SATB1: variants seen among roughly 807,000 people sequenced by gnomAD.
The protein encoded by SATB1 is SATB homeobox 1, also known as DNA-binding protein SATB1.
In SATB1, 11 loss-of-function variants were observed where a neutral mutation model predicts 86.9. The ratio of observed to expected loss-of-function variants is 0.13; its 90% CI spans 0.08 to 0.21. SATB1 has a LOEUF of 0.21. SATB1 is among the 10% of genes least tolerant of loss of function. SATB1 has a pLI of 1.00. For missense variants in SATB1, 551 were observed against 937.6 expected (o/e 0.59, Z 5.39); for synonymous variants, 357 against 357.2 (o/e 1.00, Z 0.01).
intron 10 of SATB1, 196 bp downstream of exon 10, chr3:18,351,796 G>A: frequency 1.7e-6 from 1 of 590,942 alleles, no homozygotes. Context: ...GATGAGGAAA[G>A]AGGAACACGA....
chr3:18,429,252 C>T (rs1386100047), upstream of SATB1, among the ~76,000 whole-genome samples: 3 of 152,094 alleles, frequency 2.0e-5, no homozygotes, highest in East Asian at 1.9e-4. The surrounding 1 kb of genome is among the most constrained non-coding windows in gnomAD (Gnocchi z 4.1). Context: ...ATGTCAGGAC[C>T]GATTTCTGCA....
chr3:18,441,976 T>C (rs1431840434), upstream of SATB1, among the ~76,000 whole-genome samples: 3 of 152,162 alleles, frequency 2.0e-5, no homozygotes, highest in East Asian at 1.9e-4. Flanking sequence ...AGAACTACTT[T>C]TGTAGATTAT....
At chr3:18,358,381 C>T (rs1162323265) in intron 9 of SATB1, among the ~76,000 whole-genome samples, 1 of 151,966 alleles carries the variant, frequency 6.6e-6, no homozygotes, top group African/African-American at 2.4e-5. Flanking sequence ...AGGCCCCCAC[C>T]ATTAACATTA....
intron 5 of SATB1, among the ~76,000 whole-genome samples, chr3:18,406,167 T>C (rs1260934731): frequency 1.3e-5 from 2 of 151,998 alleles, no homozygotes; most frequent in Non-Finnish European, 2.9e-5. Flanking sequence ...TGAACAGTTA[T>C]CTACCCTTGC....
chr3:18,394,440 C>T lies in SATB1; in HGVS notation c.1206+22G>A. ...AGAGAAAATAGGAGACAGCACAGAA[C>T]CACTTATGAAACACAACTGACCTGA... On this transcript the variant is annotated intron_variant, in intron 7 of 10. Coordinates refer to ENST00000338745, the MANE Select transcript of SATB1 (RefSeq NM_002971.6). The surrounding 1 kb of genome is among the most constrained non-coding windows in gnomAD (Gnocchi z 5.9). 1.2e-6 allele frequency: 2 copies of T among 1,604,388 alleles called. No individual in the cohort carries two copies. The highest frequency in any genetic ancestry group is 1.7e-4 in the Middle Eastern group (1 of 5,882).
intron 7 of SATB1, among the ~76,000 whole-genome samples, chr3:18,389,462 G>A (rs114813565): frequency 0.012 from 1,777 of 152,080 alleles, 32 homozygotes; most frequent in African/African-American, 0.041. Context: ...TGTTCAGGTT[G>A]TTGTTACTTG....
intron 9 of SATB1, among the ~76,000 whole-genome samples, chr3:18,354,135 C>T (rs551074201): frequency 2.6e-5 from 4 of 152,150 alleles, no homozygotes; most frequent in East Asian, 1.9e-4. Flanking sequence ...GTTATGTGAA[C>T]ATCTGAAGTA....
At chr3:18,437,160 G>C (rs1486132532) in intron 1 of SATB1, among the ~76,000 whole-genome samples, 2 of 152,096 alleles carry the variant, frequency 1.3e-5, no homozygotes, top group African/African-American at 4.8e-5. Context: ...ACAAAAAGAA[G>C]TATTAAGAGG....
At chr3:18,409,724 T>G (rs1258801657) in intron 5 of SATB1, 1 of 152,028 alleles carries the variant, frequency 6.6e-6, no homozygotes, top group Non-Finnish European at 1.5e-5. Context: ...GAAAGAAGAT[T>G]CTCTGTAGAG....
intron 8 of SATB1, among the ~76,000 whole-genome samples, chr3:18,379,685 TA>T (rs1695945376): frequency 6.6e-6 from 1 of 152,220 alleles, no homozygotes; most frequent in Admixed American, 6.5e-5. Context: ...TGCTGAATCC[TA>T]ATTTCTAGCC....
chr3:18,352,078 C>T lies in SATB1; in HGVS notation c.1693G>A (p.Ala565Thr), dbSNP rs1559388552. Residue 565 changes from alanine to threonine, a missense_variant, in exon 10 of 11, where the codon GCC becomes ACC. Transcript: ENST00000338745. This position sits in a 1 kb window ranked among gnomAD's most constrained non-coding sequence, Gnocchi z 4.1. ...GCGTTGCTCTCCTGTTCATAAATGG[C>T]ATCACGTTCTGGCTGAGGAAGACTG... is the stretch of plus-strand genomic sequence containing the variant. ...FLSLPQPERDAIYEQESNAVH... is the reference protein window; with the variant it reads ...FLSLPQPERDTIYEQESNAVH... 1.2e-6 allele frequency: 2 copies of T among 1,614,210 alleles called. No homozygotes were observed. Among genetic ancestry groups the T allele is most frequent in the Non-Finnish European group, 1.7e-6 (2 of 1,180,046 alleles).
chr3:18,394,392 T>C lies in SATB1; in HGVS notation c.1206+70A>G. On this transcript the variant is annotated intron_variant, in intron 7 of 10. Transcript: ENST00000338745. The surrounding 1 kb of genome is among the most constrained non-coding windows in gnomAD (Gnocchi z 5.9). ...AGTACAGAAGTAAAAGAATAAACTTTAGTTATAGATGGGACTAAAGAAAGA... is the reference window on the plus strand; with the variant it reads ...AGTACAGAAGTAAAAGAATAAACTTCAGTTATAGATGGGACTAAAGAAAGA... 7.9e-7 allele frequency: 1 copy of C among 1,262,098 alleles called. No homozygotes were observed. The highest frequency in any genetic ancestry group is 1.3e-5 in the South Asian group (1 of 79,116). 78.2% of individuals were successfully genotyped at this position (1,262,098 alleles called of 1,614,324 possible).
rs530529863 is a variant in SATB1 at position 18,363,024 on chromosome 3, T to C, written c.1576-10829A>G. 6.6e-5 allele frequency among the ~76,000 whole-genome samples: 10 copies of C among 152,244 alleles called. No individual in the cohort carries two copies. The South Asian group carries it at 8.3e-4, about 13-fold the overall frequency. On this transcript the variant is annotated intron_variant, in intron 9 of 10. Coordinates refer to ENST00000338745, the MANE Select transcript of SATB1 (RefSeq NM_002971.6). ...AATATTTCTGCCACTGCATTTTACA[T>C]TGATTTATGTGAAACTTTTCAACAC... is the stretch of plus-strand genomic sequence containing the variant.
intron 2 of SATB1, 109 bp downstream of exon 2, chr3:18,420,648 T>C (rs1698336039): frequency 2.4e-6 from 2 of 848,224 alleles, no homozygotes; most frequent in South Asian, 3.1e-5. Context: ...ATAAGGAGAA[T>C]AAAGGCAGAG....
intron 9 of SATB1, among the ~76,000 whole-genome samples, chr3:18,375,495 G>A (rs1695698058): frequency 6.6e-6 from 1 of 152,112 alleles, no homozygotes; most frequent in Non-Finnish European, 1.5e-5. Context: ...TTTGTCTTGG[G>A]GGACTGCTGC....
chr3:18,353,250 CCT>C lies in SATB1; in HGVS notation c.1576-1057_1576-1056del, dbSNP rs139160620. ...GACCCAGTGGCACAAAGTCTCTGCCCCTGTTTCTGAAAATGGACAACTTACTC... is the reference window on the plus strand; with the variant it reads ...GACCCAGTGGCACAAAGTCTCTGCCCGTTTCTGAAAATGGACAACTTACTC... On this transcript the variant is annotated intron_variant, in intron 9 of 10. Transcript: ENST00000338745. Among the ~76,000 whole-genome samples the C allele has an allele frequency of 4.2e-3, 642 of 152,256 alleles. 5 individuals carry two copies. Among genetic ancestry groups the C allele is most frequent in the East Asian group, 0.034 (175 of 5,180 alleles).
At chr3:18,391,109 A>C (rs1696639469) in intron 7 of SATB1, among the ~76,000 whole-genome samples, 1 of 152,096 alleles carries the variant, frequency 6.6e-6, no homozygotes, top group Non-Finnish European at 1.5e-5. Context: ...TTTTCAGAAA[A>C]GGTAGGCTTA....
chr3:18,389,261 GTT>G (rs35192555), intron 7 of SATB1, among the ~76,000 whole-genome samples: 31 of 129,674 alleles, frequency 2.4e-4, no homozygotes, highest in Non-Finnish European at 2.9e-4. Flanking sequence ...AAACCTTTGG[GTT>G]TTTTTTTTTT....
rs1458447562 is a variant in SATB1, at chr3:18,394,982, C to CCTTTAT, written c.752-67_752-66insATAAAG. 1 of 1,285,476 alleles carries CCTTTAT rather than the reference C, an allele frequency of 7.8e-7. No homozygotes were observed. The highest frequency in any genetic ancestry group is 2.5e-5 in the East Asian group (1 of 40,596). 79.6% of individuals were successfully genotyped at this position (1,285,476 alleles called of 1,614,324 possible). On this transcript the variant is annotated intron_variant, in intron 6 of 10. Coordinates refer to ENST00000338745, the MANE Select transcript of SATB1 (RefSeq NM_002971.6). The surrounding 1 kb of genome is among the most constrained non-coding windows in gnomAD (Gnocchi z 5.9). Reference sequence around the variant, plus strand: ...GATTGGCATTGATAAAGATTTCTAACCATTTCCTAAATTAAAAAAGGGTAG... The same window carrying CCTTTAT: ...GATTGGCATTGATAAAGATTTCTAACCTTTATCATTTCCTAAATTAAAAAAGGGTAG...
Sources: gnomAD v4.1 joint callset for allele counts (sites outside exome capture counted in the v4.1 genomes callset) on GRCh38, gnomAD v4.1.1 for gene constraint, Gnocchi (gnomAD v3.1) non-coding constraint, MANE v1.5 for transcripts, NCBI Gene and HGNC (gene_info 2026-07-23, HGNC 2026-07-21) for gene names.